PTCHD4: variants seen among roughly 807,000 people sequenced by gnomAD.
PTCHD4 encodes patched domain containing 4, also known as patched domain-containing protein 4.
A neutral mutation model predicts 58.1 loss-of-function variants in PTCHD4; 33 were observed. The ratio of observed to expected loss-of-function variants is 0.57; its 90% confidence interval spans 0.43 to 0.76. PTCHD4 has a LOEUF of 0.76. Among genes scored for constraint, PTCHD4 ranks in the 30% least tolerant of loss-of-function variants. PTCHD4 has a pLI of 0.00. For missense variants in PTCHD4, 1,058 were observed against 1,027.1 expected (o/e 1.03, Z -0.41); for synonymous variants, 478 against 409.6 (o/e 1.17, Z -2.02).
At chr6:48,007,278 A>G (rs1419144154) in intron 4 of PTCHD4, among the ~76,000 whole-genome samples, 3 of 152,136 alleles carry the variant, frequency 2.0e-5, no homozygotes, top group East Asian at 1.9e-4. Context: ...TGAACTAACA[A>G]CTTAACATGG....
chr6:47,971,556 G>T (rs192436309), intron 4 of PTCHD4, among the ~76,000 whole-genome samples: 4 of 152,298 alleles, frequency 2.6e-5, no homozygotes, highest in Admixed American at 1.3e-4. Flanking sequence ...GTGGAACCTG[G>T]GAGATAATGG....
chr6:47,863,907 T>C lies in PTCHD4; in HGVS notation c.*14396A>G, dbSNP rs1763491145. On this transcript the variant is annotated 3_prime_UTR_variant, in exon 5 of 5. Coordinates refer to ENST00000339488, the MANE Select transcript of PTCHD4 (RefSeq NM_001384253.1). ...TACCAACAGGTAGACTTGTCAGATA[T>C]GGCCTTAGTTCAGGTAATTTCTTTT... Among the ~76,000 whole-genome samples, 1 of 152,022 alleles carries C rather than the reference T, an allele frequency of 6.6e-6. No homozygotes were observed. The highest frequency in any genetic ancestry group is 2.4e-5 in the African/African-American group (1 of 41,426).
chr6:48,060,522 G>C (rs552852050), intron 3 of PTCHD4, among the ~76,000 whole-genome samples: 5 of 152,076 alleles, frequency 3.3e-5, no homozygotes, highest in Non-Finnish European at 5.9e-5. Flanking sequence ...TTTCGTCCAG[G>C]CTATACAGTG....
chr6:47,964,317 TACC>T (rs1767205830), intron 4 of PTCHD4, among the ~76,000 whole-genome samples: 1 of 151,258 alleles, frequency 6.6e-6, no homozygotes, highest in Non-Finnish European at 1.5e-5. Flanking sequence ...TAAGTGTTAT[TACC>T]ACATTTTTTT....
chr6:48,072,129 T>C (rs1764987009), intron 1 of PTCHD4, among the ~76,000 whole-genome samples: 1 of 152,288 alleles, frequency 6.6e-6, no homozygotes. Context: ...CAGAAGTCAC[T>C]ATGTGCAGCT....
At chr6:47,896,402 C>T (rs969679127) in intron 4 of PTCHD4, among the ~76,000 whole-genome samples, 1 of 152,116 alleles carries the variant, frequency 6.6e-6, no homozygotes, top group African/African-American at 2.4e-5. Context: ...CTAATAAATG[C>T]TTTAAAAAAA....
At position 48,068,349 on chromosome 6, in the gene PTCHD4, A is replaced by C. The variant is rs1381030610; in HGVS notation, c.298T>G (p.Ser100Ala). ...TACCTCCCAGGGGTGTGTAAGTCCG[A>C]ATAGAGCTGGCTTTTGGACTGGTCC... ...PLDQSKSQLY[S>A]DLHTPGRYGR... Residue 100 changes from serine (S) to alanine (A), a missense_variant, in exon 3 of 5, where the codon TCG becomes GCG. Ser to Ala is a moderately conservative substitution (Grantham distance 99, BLOSUM62 1). Coordinates refer to ENST00000339488, the MANE Select transcript of PTCHD4 (RefSeq NM_001384253.1). This position sits in a 1 kb window ranked among gnomAD's most constrained non-coding sequence, Gnocchi z 4.2. 6.2e-7 allele frequency: 1 copy of C among 1,613,840 alleles called. No individual in the cohort carries two copies. The highest frequency in any genetic ancestry group is 2.2e-5 in the East Asian group (1 of 44,860).
At chr6:48,078,969 A>T (rs1765111579) in intron 1 of PTCHD4, among the ~76,000 whole-genome samples, 1 of 152,036 alleles carries the variant, frequency 6.6e-6, no homozygotes, top group Non-Finnish European at 1.5e-5. Context: ...AATACAAAAA[A>T]TTAGCCGGGC....
chr6:48,098,318 T>TTTCTTCTTCTTCTTCTTCTTCTTCTTC (rs374977976), intron 1 of PTCHD4, among the ~76,000 whole-genome samples: 20 of 142,652 alleles, frequency 1.4e-4, no homozygotes, highest in African/African-American at 4.9e-4. Flanking sequence ...TTTCTTTTCT[T>TTTCTTCTTCTTCTTCTTCTTCTTCTTC]TTCTTCTTCT....
intron 4 of PTCHD4, among the ~76,000 whole-genome samples, chr6:47,919,886 G>A (rs1421434704): frequency 6.6e-6 from 1 of 152,136 alleles, no homozygotes; most frequent in Non-Finnish European, 1.5e-5. Context: ...ATGAGGTCGG[G>A]TCATGTGATT....
At chr6:47,990,730 C>A (rs371807571) in intron 4 of PTCHD4, among the ~76,000 whole-genome samples, 2 of 152,032 alleles carry the variant, frequency 1.3e-5, no homozygotes, top group East Asian at 3.8e-4. Context: ...TGGACTAATA[C>A]GTGTGCTTAC....
intron 3 of PTCHD4, among the ~76,000 whole-genome samples, chr6:48,028,954 T>A (rs1193206073): frequency 6.6e-6 from 1 of 152,106 alleles, no homozygotes; most frequent in African/African-American, 2.4e-5. Flanking sequence ...AGTTATTTGT[T>A]ATAATAAATT....
chr6:48,020,556 T>TA, intron 3 of PTCHD4, among the ~76,000 whole-genome samples: 1 of 152,014 alleles, frequency 6.6e-6, no homozygotes, highest in Non-Finnish European at 1.5e-5. Context: ...ATAATACATG[T>TA]AGTGAATATC....
intron 3 of PTCHD4, among the ~76,000 whole-genome samples, chr6:48,010,366 C>T (rs1170785631): frequency 3.9e-5 from 6 of 152,178 alleles, no homozygotes; most frequent in Admixed American, 6.6e-5. Context: ...TCTTGTTTTT[C>T]GCAGAACTGG....
chr6:47,884,662 C>T (rs1387262112), intron 4 of PTCHD4, among the ~76,000 whole-genome samples: 3 of 152,222 alleles, frequency 2.0e-5, no homozygotes, highest in East Asian at 1.9e-4. Flanking sequence ...CTTTAATTCT[C>T]ACCTGAGGCC....
intron 1 of PTCHD4, among the ~76,000 whole-genome samples, chr6:48,082,558 C>T (rs1397974019): frequency 6.6e-6 from 1 of 152,122 alleles, no homozygotes; most frequent in African/African-American, 2.4e-5. Context: ...AAAAATAAGA[C>T]TCTTCTATCC....
chr6:47,929,874 GC>G (rs1309193575), intron 4 of PTCHD4, among the ~76,000 whole-genome samples: 1 of 152,188 alleles, frequency 6.6e-6, no homozygotes. Context: ...AGCATTCTAC[GC>G]CCCTCACAGA....
In PTCHD4 at chr6:48,008,741, A is replaced by T; in HGVS notation, c.791T>A (p.Leu264Gln). The stretch of plus-strand genomic sequence containing the variant: ...GGAGATGCATACTGTGAGCACCCCC[A>T]GGAGGCCCAGGAAGGGCTTACTGCG... Reference protein sequence around the residue: ...CLRSKPFLGLLGVLTVCISII... With the variant: ...CLRSKPFLGLQGVLTVCISII... The change falls in exon 4 of 5, where the codon CTG becomes CAG. Residue 264 changes from leucine (L) to glutamine (Q), a missense_variant. Leu to Gln is a moderately radical substitution (Grantham distance 113). Coordinates refer to ENST00000339488, the MANE Select transcript of PTCHD4 (RefSeq NM_001384253.1). 2 of 1,613,922 alleles carry T rather than the reference A, an allele frequency of 1.2e-6. No individual in the cohort carries two copies. Among genetic ancestry groups the T allele is most frequent in the African/African-American group, 1.3e-5 (1 of 75,060 alleles).
At chr6:47,928,489 T>C (rs942800591) in intron 4 of PTCHD4, among the ~76,000 whole-genome samples, 12 of 152,192 alleles carry the variant, frequency 7.9e-5, no homozygotes, top group African/African-American at 2.9e-4. Flanking sequence ...GCATTTTCTT[T>C]AGTCTTCAGT....
Sources: gnomAD v4.1 joint callset for allele counts (sites outside exome capture counted in the v4.1 genomes callset) on GRCh38, gnomAD v4.1.1 for gene constraint, Gnocchi (gnomAD v3.1) non-coding constraint, MANE v1.5 for transcripts, NCBI Gene and HGNC (gene_info 2026-07-23, HGNC 2026-07-21) for gene names.